Variants in FAT3 observed in about 807,000 individuals in gnomAD.
FAT3 encodes FAT atypical cadherin 3, also known as protocadherin Fat 3.
Under a neutral mutation model 310.2 loss-of-function variants are expected in FAT3, and 95 were observed. The observed-to-expected ratio is 0.31, with a 90% CI of 0.26 to 0.36. The LOEUF is 0.36. Ranked by LOEUF, FAT3 falls within the 10% of genes least tolerant of loss-of-function variation. The pLI, the probability that FAT3 is intolerant of heterozygous loss-of-function variation, is 1.00. For synonymous variants in FAT3, 2,314 were observed against 2,192.9 expected (o/e 1.06, Z -1.54); for missense variants, 5,408 against 5,715.6 (o/e 0.95, Z 1.74).
chr11:92,593,368 A>AT (rs1412853266), intron 3 of FAT3, among the ~76,000 whole-genome samples: 2 of 150,656 alleles, frequency 1.3e-5, no homozygotes, highest in Admixed American at 6.6e-5. Context: ...GAATTACCAT[A>AT]TTTTTTTCTA....
chr11:92,434,754 T>C (rs1283105601), intron 2 of FAT3, among the ~76,000 whole-genome samples: 1 of 152,202 alleles, frequency 6.6e-6, no homozygotes, highest in Non-Finnish European at 1.5e-5. Flanking sequence ...ATAAAGATAA[T>C]GTACTTATAG....
chr11:92,671,854 C>G (rs1943138051), intron 3 of FAT3, among the ~76,000 whole-genome samples: 1 of 152,082 alleles, frequency 6.6e-6, no homozygotes, highest in African/African-American at 2.4e-5. Context: ...GCCTGTAATC[C>G]CAGCACTTTG....
intron 3 of FAT3, among the ~76,000 whole-genome samples, chr11:92,693,049 G>A (rs2135893880): frequency 6.6e-6 from 1 of 152,214 alleles, no homozygotes; most frequent in African/African-American, 2.4e-5. Context: ...ACATTTTCAT[G>A]CTCAGGCTGT....
chr11:92,576,269 T>C (rs1323473518), intron 3 of FAT3, among the ~76,000 whole-genome samples: 2 of 152,154 alleles, frequency 1.3e-5, no homozygotes, highest in Non-Finnish European at 2.9e-5. Flanking sequence ...CTCTAGAGAA[T>C]ATTTAGTTAC....
At chr11:92,431,014 G>T (rs1356959647) in intron 2 of FAT3, among the ~76,000 whole-genome samples, 3 of 152,056 alleles carry the variant, frequency 2.0e-5, no homozygotes, top group African/African-American at 7.2e-5. Flanking sequence ...ATAATCCTTT[G>T]GGTATATACC....
At chr11:92,535,622 T>G (rs1257132829) in intron 3 of FAT3, among the ~76,000 whole-genome samples, 4 of 152,186 alleles carry the variant, frequency 2.6e-5, no homozygotes, top group Non-Finnish European at 5.9e-5. Context: ...CACTCAAGCT[T>G]GGTTTTAGCT....
intron 4 of FAT3, 116 bp from the exon 5 acceptor site, chr11:92,761,740 T>C (rs1410662589): frequency 7.5e-6 from 7 of 929,594 alleles, no homozygotes; most frequent in Non-Finnish European, 1.2e-5. Context: ...AAATGAATAC[T>C]AAAAGAATTT....
chr11:92,481,413 TA>T (rs1483259058), intron 2 of FAT3, among the ~76,000 whole-genome samples: 5 of 152,168 alleles, frequency 3.3e-5, no homozygotes, highest in Non-Finnish European at 7.4e-5. Flanking sequence ...TATATGGTTA[TA>T]GGAAACATAA....
At chr11:92,649,899 A>ATATG (rs1565486343) in intron 3 of FAT3, among the ~76,000 whole-genome samples, 4 of 63,266 alleles carry the variant, frequency 6.3e-5, no homozygotes, top group African/African-American at 2.3e-4. Context: ...ATATATATAT[A>ATATG]TATATATATA....
chr11:92,859,469 T>A, intron 21 of FAT3, 147 bp downstream of exon 21: 1 of 819,448 alleles, frequency 1.2e-6, no homozygotes, highest in Non-Finnish European at 1.8e-6. Context: ...GCGGCAGAAC[T>A]GGGAAGGGAG....
intron 3 of FAT3, among the ~76,000 whole-genome samples, chr11:92,540,648 A>G (rs532639394): frequency 1.8e-4 from 28 of 152,228 alleles, no homozygotes; most frequent in African/African-American, 6.3e-4. Context: ...ATACCTTCAA[A>G]GTAGTGTTCA....
intron 3 of FAT3, among the ~76,000 whole-genome samples, chr11:92,640,589 T>G (rs1941922646): frequency 1.3e-5 from 2 of 152,230 alleles, no homozygotes; most frequent in Non-Finnish European, 2.9e-5. Flanking sequence ...TAAAATAGTT[T>G]ATATGAATCA....
chr11:92,336,350 CG>C, intron 1 of FAT3: 3 of 388,078 alleles, frequency 7.7e-6, no homozygotes, highest in South Asian at 2.1e-5. Flanking sequence ...CGGTCAGTTC[CG>C]GGGGCTGTTT....
At chr11:92,520,556 G>A (rs1478217393) in intron 2 of FAT3, among the ~76,000 whole-genome samples, 2 of 152,098 alleles carry the variant, frequency 1.3e-5, no homozygotes, top group African/African-American at 2.4e-5. Context: ...CTCAAGATGT[G>A]ATTTTGGCAT....
chr11:92,489,906 T>G (rs1398576598), intron 2 of FAT3, among the ~76,000 whole-genome samples: 2 of 151,590 alleles, frequency 1.3e-5, no homozygotes, highest in African/African-American at 4.8e-5. Flanking sequence ...TTTTTTTACT[T>G]TCTCCCATGA....
intron 2 of FAT3, among the ~76,000 whole-genome samples, chr11:92,448,299 C>A (rs1199906748): frequency 6.6e-6 from 1 of 152,110 alleles, no homozygotes; most frequent in African/African-American, 2.4e-5. Context: ...ATTTTTCTCC[C>A]TCTTTTTTTC....
At chr11:92,381,578 C>G (rs1949496516) in intron 2 of FAT3, among the ~76,000 whole-genome samples, 1 of 152,136 alleles carries the variant, frequency 6.6e-6, no homozygotes, top group African/African-American at 2.4e-5. Flanking sequence ...CAAATTTAGC[C>G]TGTTGTAAAA....
At chr11:92,658,922 TATCATCATC>T (rs71305391) in intron 3 of FAT3, among the ~76,000 whole-genome samples, 94 of 149,820 alleles carry the variant, frequency 6.3e-4, no homozygotes, top group Non-Finnish European at 1.2e-3. Context: ...TCATCGTCAT[TATCATCATC>T]ATCATCATCA....
At chr11:92,796,201 A>G (rs1336816292) in intron 9 of FAT3, among the ~76,000 whole-genome samples, 4 of 152,224 alleles carry the variant, frequency 2.6e-5, no homozygotes, top group Non-Finnish European at 5.9e-5. Flanking sequence ...ACTCAATTCT[A>G]TGACACTATT....
Sources: allele counts gnomAD v4.1 joint callset (sites outside exome capture counted in the v4.1 genomes callset), GRCh38; gene constraint gnomAD v4.1.1; transcripts MANE v1.5; gene names NCBI Gene and HGNC (gene_info 2026-07-23, HGNC 2026-07-21).